The following NXPH1 variants were observed in gnomAD, a reference collection of about 807,000 sequenced individuals.
NXPH1 encodes the protein neurexophilin 1.
Under a neutral mutation model 23.7 loss-of-function variants are expected in NXPH1, and 5 were observed. The observed-to-expected ratio is 0.21, with a 90% CI of 0.11 to 0.44. NXPH1 has a LOEUF of 0.44. Among genes scored for constraint, NXPH1 ranks in the 20% least tolerant of loss-of-function variants. NXPH1 has a pLI of 0.99. For synonymous variants in NXPH1, 144 were observed against 122.2 expected (o/e 1.18, Z -1.18); for missense variants, 324 against 321.6 (o/e 1.01, Z -0.06).
chr7:8,736,883 C>G (rs975324857), intron 2 of NXPH1, among the ~76,000 whole-genome samples: 2 of 151,770 alleles, frequency 1.3e-5, no homozygotes, highest in African/African-American at 4.8e-5. Context: ...TTATGTCATG[C>G]CCTTCTTTGT....
chr7:8,477,413 T>C (rs779093014), intron 2 of NXPH1, among the ~76,000 whole-genome samples: 2 of 152,074 alleles, frequency 1.3e-5, no homozygotes, highest in South Asian at 4.1e-4. Flanking sequence ...TCAAGCTGAG[T>C]TGTTAATCCA....
intron 2 of NXPH1, among the ~76,000 whole-genome samples, chr7:8,611,674 G>A (rs757018530): frequency 8.5e-5 from 13 of 152,092 alleles, no homozygotes; most frequent in Non-Finnish European, 1.6e-4. Flanking sequence ...TAACAAATAT[G>A]TTTTCAATAA....
At chr7:8,653,478 C>G (rs1203864196) in intron 2 of NXPH1, among the ~76,000 whole-genome samples, 2 of 152,142 alleles carry the variant, frequency 1.3e-5, no homozygotes, top group African/African-American at 2.4e-5. Flanking sequence ...AAAAATAGTT[C>G]TTAAGACTCT....
chr7:8,625,121 T>C (rs1819960116), intron 2 of NXPH1, among the ~76,000 whole-genome samples: 1 of 152,170 alleles, frequency 6.6e-6, no homozygotes, highest in African/African-American at 2.4e-5. Flanking sequence ...AGTCCCTATG[T>C]AGAAATAGAA....
At chr7:8,661,512 T>C (rs377649115) in intron 2 of NXPH1, among the ~76,000 whole-genome samples, 1 of 152,058 alleles carries the variant, frequency 6.6e-6, no homozygotes, top group Non-Finnish European at 1.5e-5. Context: ...TTGTTTTCTG[T>C]CTGAAGTGGT....
chr7:8,748,220 T>G (rs1487881495), intron 2 of NXPH1, among the ~76,000 whole-genome samples: 1 of 152,216 alleles, frequency 6.6e-6, no homozygotes, highest in Non-Finnish European at 1.5e-5. Context: ...TTCTACTGTT[T>G]GAATGTGGTC....
chr7:8,714,586 G>A (rs567112020), intron 2 of NXPH1, among the ~76,000 whole-genome samples: 4 of 152,022 alleles, frequency 2.6e-5, no homozygotes, highest in Non-Finnish European at 2.9e-5. Flanking sequence ...CTCGCCCAAT[G>A]CCCACAGTAT....
chr7:8,748,316 C>T (rs1780506249), intron 2 of NXPH1, among the ~76,000 whole-genome samples: 1 of 152,082 alleles, frequency 6.6e-6, no homozygotes, highest in African/African-American at 2.4e-5. Flanking sequence ...GATACCAAAG[C>T]AAGGGTTGAG....
chr7:8,654,254 G>T (rs888653170), intron 2 of NXPH1, among the ~76,000 whole-genome samples: 6 of 151,850 alleles, frequency 4.0e-5, no homozygotes, highest in Admixed American at 1.3e-4. Context: ...ATTTACCACA[G>T]ATTTCCTGGA....
intron 2 of NXPH1, among the ~76,000 whole-genome samples, chr7:8,581,095 A>G (rs964979908): frequency 3.9e-5 from 6 of 152,222 alleles, no homozygotes; most frequent in African/African-American, 1.4e-4. Context: ...TCTTTGGTCT[A>G]CAATCCTAGA....
At chr7:8,669,138 G>T (rs927399048) in intron 2 of NXPH1, among the ~76,000 whole-genome samples, 12 of 152,222 alleles carry the variant, frequency 7.9e-5, no homozygotes, top group Non-Finnish European at 1.5e-4. Context: ...GTATCTGCTG[G>T]AGGAGGCCTG....
chr7:8,481,519 A>C (rs1817072772), intron 2 of NXPH1, among the ~76,000 whole-genome samples: 1 of 152,222 alleles, frequency 6.6e-6, no homozygotes, highest in Non-Finnish European at 1.5e-5. Context: ...GCCTGTTTTC[A>C]TTGATCTTGG....
At chr7:8,577,024 A>G (rs1818768133) in intron 2 of NXPH1, among the ~76,000 whole-genome samples, 1 of 152,168 alleles carries the variant, frequency 6.6e-6, no homozygotes, top group South Asian at 2.1e-4. Context: ...AAATAATGTT[A>G]TTATTATAAC....
intron 2 of NXPH1, among the ~76,000 whole-genome samples, chr7:8,668,991 A>T (rs1450758258): frequency 2.0e-5 from 3 of 151,474 alleles, no homozygotes; most frequent in Non-Finnish European, 4.4e-5. Context: ...GGCCTGGAGC[A>T]TGGGTGTGTG....
At chr7:8,572,216 T>C (rs184574459) in intron 2 of NXPH1, among the ~76,000 whole-genome samples, 216 of 152,120 alleles carry the variant, frequency 1.4e-3, no homozygotes, top group Non-Finnish European at 2.3e-3. Context: ...GGATACTTCC[T>C]CCAATGCCCT....
chr7:8,723,326 A>G (rs2107473), intron 2 of NXPH1, among the ~76,000 whole-genome samples: 150,559 of 152,318 alleles, frequency 0.99, 74,414 homozygotes, highest in East Asian at 1. Flanking sequence ...TCATTACCAC[A>G]TTAGGATCAA....
At position 8,723,996 on chromosome 7, in the gene NXPH1, A is replaced by G. The variant is rs554995688; in HGVS notation, c.55-27012A>G. Among the ~76,000 whole-genome samples the G allele has an allele frequency of 3.9e-5, 6 of 152,356 alleles. No individual in the cohort carries two copies. The South Asian group carries it at 1.2e-3, about 32-fold the overall frequency. ...AAGTAAGCAAGTAGATAAGTTAATA[A>G]ATAATCAAATAAATAAATAGGTAAG... On this transcript the variant is annotated intron_variant, in intron 2 of 2. Transcript: ENST00000405863.
At chr7:8,466,556 T>C (rs1816789017) in intron 2 of NXPH1, among the ~76,000 whole-genome samples, 1 of 152,208 alleles carries the variant, frequency 6.6e-6, no homozygotes, top group South Asian at 2.1e-4. Flanking sequence ...CTTTTTTCTT[T>C]AGCCTCACAC....
chr7:8,579,267 T>C (rs1322091895), intron 2 of NXPH1, among the ~76,000 whole-genome samples: 3 of 152,192 alleles, frequency 2.0e-5, no homozygotes, highest in Admixed American at 1.3e-4. Context: ...GATTCAGTGA[T>C]GGCAAAGACA....
Sources: gnomAD v4.1 joint callset for allele counts (sites outside exome capture counted in the v4.1 genomes callset) on GRCh38, gnomAD v4.1.1 for gene constraint, MANE v1.5 for transcripts, NCBI Gene and HGNC (gene_info 2026-07-23, HGNC 2026-07-21) for gene names.